Variants in EDARADD observed in about 807,000 individuals in gnomAD.
EDARADD encodes the protein EDAR associated via death domain, also known as ectodysplasin-A receptor-associated adapter protein.
Under a neutral mutation model 25.6 loss-of-function variants are expected in EDARADD, and 20 were observed. That is an observed-to-expected ratio of 0.78 (90% CI 0.55 to 1.14). The LOEUF (loss-of-function observed/expected upper bound fraction) is 1.14. Among genes scored for constraint, EDARADD ranks in the 50% most tolerant of loss-of-function variants. The pLI is 0.00. For synonymous variants in EDARADD, 86 were observed against 94.4 expected (o/e 0.91, Z 0.52); for missense variants, 225 against 270.1 (o/e 0.83, Z 1.17).
At chr1:236,430,290 A>G (rs573776928) in intron 4 of EDARADD, among the ~76,000 whole-genome samples, 1 of 152,338 alleles carries the variant, frequency 6.6e-6, no homozygotes, top group African/African-American at 2.4e-5. Context: ...AGTAAACTGA[A>G]AGTATAAATT....
At chr1:236,467,082 C>CA (rs61551263) in intron 4 of EDARADD, among the ~76,000 whole-genome samples, 9,878 of 147,726 alleles carry the variant, frequency 0.067, 380 homozygotes, top group Middle Eastern at 0.13. Flanking sequence ...AACAAAAAAA[C>CA]AAAAAAAAAA....
At position 236,478,384 on chromosome 1, in the gene EDARADD, T is replaced by C. The variant is rs144815281; in HGVS notation, c.266-3883T>C. Among the ~76,000 whole-genome samples, 1,433 of 148,950 alleles carry C rather than the reference T, an allele frequency of 9.6e-3. 22 individuals carry two copies. Among genetic ancestry groups the C allele is most frequent in the African/African-American group, 0.033 (1,350 of 40,410 alleles). On this transcript the variant is annotated intron_variant, in intron 5 of 5. Transcript: ENST00000334232. ...ATGTGTGTGTGTGTGTGTGTGTGTG[T>C]GTATGGATTTATATATATATATAAA... is the stretch of plus-strand genomic sequence containing the variant.
intron 4 of EDARADD, among the ~76,000 whole-genome samples, chr1:236,434,186 T>C (rs1226070169): frequency 6.6e-6 from 1 of 152,082 alleles, no homozygotes; most frequent in East Asian, 1.9e-4. Flanking sequence ...CCAGGACAGC[T>C]TAGAACACAG....
chr1:236,405,774 TTTC>T, intron 1 of EDARADD, among the ~76,000 whole-genome samples: 3 of 46,434 alleles, frequency 6.5e-5, no homozygotes, highest in African/African-American at 1.5e-4. Context: ...TCTTTCTTTC[TTTC>T]TTTCTTTCTT....
intron 4 of EDARADD, among the ~76,000 whole-genome samples, chr1:236,438,005 C>T (rs1658305440): frequency 6.6e-6 from 1 of 152,178 alleles, no homozygotes; most frequent in Non-Finnish European, 1.5e-5. Flanking sequence ...ACCTTGCGCC[C>T]TGCCCAGGGT....
chr1:236,385,074 C>G (rs1257228448), intron 3 of EDARADD, among the ~76,000 whole-genome samples: 1 of 129,848 alleles, frequency 7.7e-6, no homozygotes, highest in African/African-American at 3.3e-5. Context: ...GATTTTTATT[C>G]TATGCCTTTT....
At chr1:236,392,307 A>G (rs945650273), upstream of EDARADD, among the ~76,000 whole-genome samples, 10 of 152,138 alleles carry the variant, frequency 6.6e-5, no homozygotes, top group Admixed American at 3.3e-4. Flanking sequence ...TGCACCTACT[A>G]TATGACAGGC....
chr1:236,420,004 C>T (rs1466448940), intron 3 of EDARADD, among the ~76,000 whole-genome samples: 6 of 152,070 alleles, frequency 3.9e-5, no homozygotes, highest in South Asian at 4.1e-4. Context: ...ATGGCGATAC[C>T]CCGTCTCTAC....
chr1:236,394,502 G>C lies in EDARADD; in HGVS notation c.58G>C (p.Glu20Gln). Residue 20 changes from glutamate to glutamine, a missense_variant, in exon 1 of 6, where the codon GAG becomes CAG. By Grantham distance (29) the Glu-to-Gln change is conservative (BLOSUM62 2). Coordinates refer to ENST00000334232, the MANE Select transcript of EDARADD (RefSeq NM_145861.4). ...GRGTKAPGHQ[E>Q]DHMVKEPVED... ...AGGCACTAAAGCTCCTGGTCACCAA[G>C]AGGGTATGTAGGCATTTGCTGTCTT... The C allele has an allele frequency of 6.2e-7, 1 of 1,613,994 alleles. No homozygotes were observed. The highest frequency in any genetic ancestry group is 8.5e-7 in the Non-Finnish European group (1 of 1,179,976).
intron 2 of EDARADD, 68 bp downstream of exon 2, chr1:236,409,342 C>A: frequency 7.7e-7 from 1 of 1,304,740 alleles, no homozygotes; most frequent in Non-Finnish European, 1.1e-6. Flanking sequence ...TATTTCTTTA[C>A]GTTTTTATTA....
intron 3 of EDARADD, among the ~76,000 whole-genome samples, chr1:236,363,006 A>AAAAAAAT (rs1377112051): frequency 2.1e-4 from 9 of 42,950 alleles, no homozygotes; most frequent in Non-Finnish European, 3.1e-4. Flanking sequence ...AAAAAAAAAA[A>AAAAAAAT]ATATATATAT....
intron 3 of EDARADD, among the ~76,000 whole-genome samples, chr1:236,421,197 T>C (rs669582): frequency 0.58 from 84,086 of 145,918 alleles, 28,223 homozygotes; most frequent in Non-Finnish European, 0.67. Flanking sequence ...GAGGACACTG[T>C]GCGTCATGCA....
At chr1:236,481,189 T>G (rs1460129543) in intron 5 of EDARADD, among the ~76,000 whole-genome samples, 2 of 152,216 alleles carry the variant, frequency 1.3e-5, no homozygotes, top group Admixed American at 1.3e-4. Flanking sequence ...CAAAGAACTG[T>G]GCATTTTTTA....
In EDARADD at chr1:236,405,874, C is replaced by CTTCT. The variant is rs869205931; in HGVS notation, c.62-3293_62-3290dup. ...CCTTCCTTCCTTCCTTCCTTCCTTC[C>CTTCT]TTCTTTCTTTCTTTCTTTCTTTCTT... On this transcript the variant is annotated intron_variant, in intron 1 of 5. Coordinates refer to ENST00000334232, the MANE Select transcript of EDARADD (RefSeq NM_145861.4). Among the ~76,000 whole-genome samples, 207 of 30,872 alleles carry CTTCT rather than the reference C, an allele frequency of 6.7e-3. 5 individuals carry two copies. The highest frequency in any genetic ancestry group is 0.012 in the African/African-American group (108 of 8,650). The allele number at this position is 30,872 out of a possible 152,430, so 20.3% of individuals were successfully genotyped here. A position where few individuals can be genotyped will look rare whatever the true frequency, so the allele number is the denominator to read the frequency against.
At chr1:236,379,036 T>A (rs964590110) in intron 3 of EDARADD, among the ~76,000 whole-genome samples, 1 of 151,738 alleles carries the variant, frequency 6.6e-6, no homozygotes, top group Non-Finnish European at 1.5e-5. Context: ...AAAAAAAAAA[T>A]CTGAGGAAAA....
chr1:236,461,435 A>G (rs140590413), intron 4 of EDARADD, among the ~76,000 whole-genome samples: 2,216 of 152,222 alleles, frequency 0.015, 35 homozygotes, highest in Non-Finnish European at 0.018. Flanking sequence ...TGCTCTTGGC[A>G]CCTTCGTCAA....
At chr1:236,464,903 A>G (rs1296056574) in intron 4 of EDARADD, among the ~76,000 whole-genome samples, 4 of 151,496 alleles carry the variant, frequency 2.6e-5, no homozygotes, top group Non-Finnish European at 2.9e-5. Context: ...TTTCATAATC[A>G]CTTTGACATC....
In EDARADD at chr1:236,407,684, C is replaced by T. The variant is rs905508909; in HGVS notation, c.62-1532C>T. ...CCCACGACTGCCACTTAGGGTACTG[C>T]AGGTCGTTCACTGCACAAATCTGGA... On this transcript the variant is annotated intron_variant, in intron 1 of 5. Transcript: ENST00000334232. Among the ~76,000 whole-genome samples the T allele has an allele frequency of 2.0e-5, 3 of 152,174 alleles. No individual in the cohort carries two copies. In the South Asian group the frequency reaches 6.2e-4, roughly 32 times the overall value.
chr1:236,465,943 C>T (rs567494310), intron 4 of EDARADD, among the ~76,000 whole-genome samples: 2 of 152,168 alleles, frequency 1.3e-5, no homozygotes, highest in African/African-American at 2.4e-5. Flanking sequence ...TCCCTGTCTG[C>T]ATCACGGGGA....
Sources: gnomAD v4.1 joint callset for allele counts (sites outside exome capture counted in the v4.1 genomes callset) on GRCh38, gnomAD v4.1.1 for gene constraint, MANE v1.5 for transcripts, NCBI Gene and HGNC (gene_info 2026-07-23, HGNC 2026-07-21) for gene names.